The following COX10 variants were observed in gnomAD, a reference collection of about 807,000 sequenced individuals.
The protein encoded by COX10 is protoheme IX farnesyltransferase, mitochondrial.
Under a neutral mutation model 37.3 loss-of-function variants are expected in COX10, and 27 were observed. That is an observed-to-expected ratio of 0.72 (90% CI 0.53 to 1.00). COX10 has a LOEUF of 1.00. COX10 is among the 50% of genes least tolerant of loss of function. The pLI is 0.00. For missense variants in COX10, 475 were observed against 563.2 expected, an observed-to-expected ratio of 0.84 and a Z score of 1.59; for synonymous variants, 222 against 229.1, an observed-to-expected ratio of 0.97 and a Z score of 0.28.
intron 4 of COX10, among the ~76,000 whole-genome samples, chr17:14,155,586 G>C (rs1458451205): frequency 6.6e-6 from 1 of 152,010 alleles, no homozygotes; most frequent in Non-Finnish European, 1.5e-5. Flanking sequence ...GTGGTGGTGG[G>C]TGTCTGTAGT....
rs978010102 is a variant in COX10, at chr17:14,074,198, C to G, written c.44-125C>G. 8 of 984,478 alleles carry G rather than the reference C, an allele frequency of 8.1e-6. No individual in the cohort carries two copies. The Admixed American group carries it at 1.5e-4, about 19-fold the overall frequency. 61.0% of individuals were successfully genotyped at this position (984,478 alleles called of 1,614,324 possible). A position where few individuals can be genotyped will look rare whatever the true frequency, so the allele number is the denominator to read the frequency against. ...AAATCTGGATTAGATTATTTCAAAG[C>G]TCTGACCCATCACACAGTGTAGCGC... is the stretch of plus-strand genomic sequence containing the variant. On this transcript the variant is annotated intron_variant, in intron 1 of 6. Transcript: ENST00000261643.
At chr17:14,108,512 A>T (rs1368087033) in intron 4 of COX10, among the ~76,000 whole-genome samples, 1 of 152,146 alleles carries the variant, frequency 6.6e-6, no homozygotes, top group African/African-American at 2.4e-5. Flanking sequence ...GGTAAGTGTG[A>T]CAAGGGTATG....
chr17:14,076,723 T>G lies in COX10; in HGVS notation c.178-12T>G. The G allele has an allele frequency of 3.7e-6, 6 of 1,614,020 alleles. No individual in the cohort carries two copies. Among genetic ancestry groups the G allele is most frequent in the Non-Finnish European group, 5.1e-6 (6 of 1,179,934 alleles). ...GCCTTGGTTTTATAGTAATGTGTGCTTTTTTGTTTAGTATGTCACACAGCT... is the reference window on the plus strand; with the variant it reads ...GCCTTGGTTTTATAGTAATGTGTGCGTTTTTGTTTAGTATGTCACACAGCT... On this transcript the variant is annotated splice_polypyrimidine_tract_variant and intron_variant, in intron 2 of 6. Transcript: ENST00000261643.
chr17:14,116,132 G>A (rs1567594651), intron 4 of COX10, among the ~76,000 whole-genome samples: 1 of 151,946 alleles, frequency 6.6e-6, no homozygotes, highest in Non-Finnish European at 1.5e-5. Flanking sequence ...ATGAAATTGT[G>A]CATTAATTTC....
chr17:14,131,744 T>C (rs1339235426), intron 4 of COX10, among the ~76,000 whole-genome samples: 3 of 152,038 alleles, frequency 2.0e-5, no homozygotes, highest in African/African-American at 7.2e-5. Context: ...CATGTAATAA[T>C]AGCAAATTCA....
intron 4 of COX10, among the ~76,000 whole-genome samples, chr17:14,119,974 G>A (rs1315905312): frequency 6.6e-6 from 1 of 152,154 alleles, no homozygotes; most frequent in Non-Finnish European, 1.5e-5. Context: ...GACAAAAGGT[G>A]ATGATGCTTT....
rs145558003 is a variant in COX10, at chr17:14,183,921, C to G, written c.696-8068C>G. Among the ~76,000 whole-genome samples the G allele has an allele frequency of 3.8e-3, 574 of 152,358 alleles. 1 individual carries two copies. Among genetic ancestry groups the G allele is most frequent in the African/African-American group, 0.012 (489 of 41,578 alleles). On this transcript the variant is annotated intron_variant, in intron 5 of 6. Coordinates refer to ENST00000261643, the MANE Select transcript of COX10 (RefSeq NM_001303.4). ...TTTTGTTCACTGCTGTACAGCTACACTTAGCATAGTGGCTATCTAGGCAAT... is the reference window on the plus strand; with the variant it reads ...TTTTGTTCACTGCTGTACAGCTACAGTTAGCATAGTGGCTATCTAGGCAAT...
At chr17:14,193,507 C>T (rs200639673) in intron 6 of COX10, among the ~76,000 whole-genome samples, 10,339 of 143,730 alleles carry the variant, frequency 0.072, 241 homozygotes, top group Middle Eastern at 0.12. Context: ...GTAAGCTGAG[C>T]GATGCAGCCT....
At chr17:14,195,696 A>AAAG (rs1185531708) in intron 6 of COX10, among the ~76,000 whole-genome samples, 1 of 152,170 alleles carries the variant, frequency 6.6e-6, no homozygotes, top group Non-Finnish European at 1.5e-5. Context: ...AGAACATGAT[A>AAAG]ATTACCTGGA....
At chr17:14,160,305 A>G (rs973722182) in intron 5 of COX10, among the ~76,000 whole-genome samples, 12 of 152,220 alleles carry the variant, frequency 7.9e-5, no homozygotes, top group Non-Finnish European at 1.2e-4. Context: ...CAGAAGAAGG[A>G]TATGTCTGAA....
At chr17:14,118,202 G>T (rs1042033502) in intron 4 of COX10, among the ~76,000 whole-genome samples, 7 of 152,170 alleles carry the variant, frequency 4.6e-5, no homozygotes, top group African/African-American at 1.7e-4. Context: ...CTTTTGGGGT[G>T]TGAAAACATA....
intron 6 of COX10, among the ~76,000 whole-genome samples, chr17:14,193,795 C>A (rs1218518217): frequency 6.7e-6 from 1 of 149,024 alleles, no homozygotes; most frequent in East Asian, 1.9e-4. Flanking sequence ...CCCTCTCCCC[C>A]TTAACGCAAC....
intron 4 of COX10, among the ~76,000 whole-genome samples, chr17:14,126,912 C>A (rs191836723): frequency 2.4e-4 from 36 of 151,954 alleles, no homozygotes; most frequent in African/African-American, 8.7e-4. Context: ...CTGAAATATG[C>A]TAAATCTTAT....
intron 4 of COX10, among the ~76,000 whole-genome samples, chr17:14,141,752 T>G (rs1177873616): frequency 6.6e-6 from 1 of 152,104 alleles, no homozygotes; most frequent in African/African-American, 2.4e-5. Flanking sequence ...AAAGAGTCCA[T>G]TTACCTTTTC....
chr17:14,189,199 G>A (rs1906127896), intron 5 of COX10, among the ~76,000 whole-genome samples: 1 of 150,054 alleles, frequency 6.7e-6, no homozygotes, highest in Middle Eastern at 3.5e-3. Flanking sequence ...GGCACCCACT[G>A]AGTGGAAAGT....
Position 14,174,018 on chromosome 17 carries a change from TAA to T in COX10, c.695+14075_695+14076del, listed in dbSNP as rs539649459. On this transcript the variant is annotated intron_variant, in intron 5 of 6. Transcript: ENST00000261643. ...TAGATAAACTGTACTTCATCAAAAT[TAA>T]AAACTTCTGCTCTTCAGAAGACACT... 8.6e-3 allele frequency among the ~76,000 whole-genome samples: 1,310 copies of T among 151,918 alleles called. 7 individuals are homozygous for T. The highest frequency in any genetic ancestry group is 0.012 in the Admixed American group (176 of 15,254).
chr17:14,142,703 T>A (rs1218919753), intron 4 of COX10, among the ~76,000 whole-genome samples: 1 of 152,226 alleles, frequency 6.6e-6, no homozygotes, highest in Non-Finnish European at 1.5e-5. Flanking sequence ...AGCAAACATT[T>A]CTTCCCAGTT....
chr17:14,175,702 A>G (rs1244738162), intron 5 of COX10, among the ~76,000 whole-genome samples: 1 of 151,960 alleles, frequency 6.6e-6, no homozygotes, highest in African/African-American at 2.4e-5. Flanking sequence ...AGATCATTCT[A>G]GGTGGGCATC....
intron 4 of COX10, among the ~76,000 whole-genome samples, chr17:14,110,763 T>G (rs986206911): frequency 6.6e-6 from 1 of 152,114 alleles, no homozygotes; most frequent in Non-Finnish European, 1.5e-5. Context: ...GGTTGACTGA[T>G]GACTGATGGC....
Sources: allele counts gnomAD v4.1 joint callset (sites outside exome capture counted in the v4.1 genomes callset), GRCh38; gene constraint gnomAD v4.1.1; transcripts MANE v1.5; gene names NCBI Gene and HGNC (gene_info 2026-07-23, HGNC 2026-07-21).